Variants in KIRREL1 observed in about 807,000 individuals in gnomAD.
The protein encoded by KIRREL1 is kin of IRRE-like protein 1.
In KIRREL1, 25 loss-of-function variants were observed where a neutral mutation model predicts 83.3. That is an observed-to-expected ratio of 0.30 (90% CI 0.22 to 0.42). The LOEUF (loss-of-function observed/expected upper bound fraction) is 0.42, where lower values mean the gene tolerates loss of function less well. Among genes scored for constraint, KIRREL1 ranks in the 10% least tolerant of loss-of-function variants. The pLI is 1.00. For missense variants in KIRREL1, 812 were observed against 1,032.3 expected (o/e 0.79, Z 2.92); for synonymous variants, 388 against 410.4 (o/e 0.95, Z 0.66).
At chr1:158,089,305 C>T in intron 8 of KIRREL1, 197 bp from the exon 9 acceptor site, 1 of 720,918 alleles carries the variant, frequency 1.4e-6, no homozygotes, top group Non-Finnish European at 2.3e-6. Flanking sequence ...CCCACACCTG[C>T]AGAGATGGTG....
At chr1:158,062,824 A>C (rs1470193698) in intron 1 of KIRREL1, among the ~76,000 whole-genome samples, 7 of 152,198 alleles carry the variant, frequency 4.6e-5, no homozygotes, top group Non-Finnish European at 1.5e-5. Context: ...TGCAGCTTAG[A>C]TGTGCCACAG....
intron 1 of KIRREL1, among the ~76,000 whole-genome samples, chr1:158,034,502 C>T (rs577416613): frequency 6.6e-6 from 1 of 152,186 alleles, no homozygotes; most frequent in African/African-American, 2.4e-5. Context: ...TTACCTGGAC[C>T]TTTTACTTTG....
At chr1:158,003,149 T>G (rs1301783880) in intron 1 of KIRREL1, among the ~76,000 whole-genome samples, 2 of 152,162 alleles carry the variant, frequency 1.3e-5, no homozygotes, top group Non-Finnish European at 2.9e-5. Context: ...GCTCGCTCCA[T>G]TACCCAGCAT....
intron 8 of KIRREL1, among the ~76,000 whole-genome samples, chr1:158,088,921 C>T (rs1053070009): frequency 3.9e-5 from 6 of 151,910 alleles, no homozygotes; most frequent in African/African-American, 1.5e-4. Flanking sequence ...CGGTTATCCC[C>T]ACATCTTCTC....
intron 1 of KIRREL1, among the ~76,000 whole-genome samples, chr1:157,994,096 C>G (rs1659122833): frequency 6.6e-6 from 1 of 152,188 alleles, no homozygotes; most frequent in South Asian, 2.1e-4. Context: ...ACGCCTGAGT[C>G]CAGCCTAAGG....
chr1:158,078,948 C>G (rs894076511), intron 3 of KIRREL1, among the ~76,000 whole-genome samples: 2 of 152,104 alleles, frequency 1.3e-5, no homozygotes, highest in Non-Finnish European at 2.9e-5. Flanking sequence ...CTTCAGCACA[C>G]CCCTTGCCCC....
At chr1:158,064,478 G>A (rs191365316) in intron 1 of KIRREL1, among the ~76,000 whole-genome samples, 7 of 152,254 alleles carry the variant, frequency 4.6e-5, no homozygotes, top group Non-Finnish European at 1.0e-4. Flanking sequence ...AAAATTTATG[G>A]TGTGTAAATA....
rs141562108 is a variant in KIRREL1, at chr1:158,094,679, T to C, written c.1833T>C (p.His611=). The part of the protein sequence containing the change: ...PTNGYYNVRA[H]EDRPSSRAVL... ...ATGGCTACTACAACGTGCGTGCCCA[T>C]GAAGACCGCCCGTCTTCCAGGGCAG... The change falls in exon 15 of 15, where the codon CAT becomes CAC. Residue 611 remains histidine, a synonymous_variant. Transcript: ENST00000359209. This position sits in a 1 kb window ranked among gnomAD's most constrained non-coding sequence, Gnocchi z 4.6. 4.6e-4 allele frequency: 737 copies of C among 1,609,038 alleles called. No individual in the cohort carries two copies. Among genetic ancestry groups the C allele is most frequent in the Admixed American group, 5.7e-4 (34 of 59,896 alleles).
intron 1 of KIRREL1, among the ~76,000 whole-genome samples, chr1:158,028,638 A>G (rs1660236542): frequency 6.6e-6 from 1 of 152,170 alleles, no homozygotes; most frequent in Non-Finnish European, 1.5e-5. Flanking sequence ...GGATTTGCTC[A>G]GTTGTTATTT....
chr1:158,059,853 T>C (rs1477692109), intron 1 of KIRREL1, among the ~76,000 whole-genome samples: 1 of 152,214 alleles, frequency 6.6e-6, no homozygotes, highest in African/African-American at 2.4e-5. Context: ...AGAGCTCATG[T>C]TCTAGTTAGG....
intron 3 of KIRREL1, among the ~76,000 whole-genome samples, chr1:158,082,009 C>A (rs955615679): frequency 3.3e-5 from 5 of 152,088 alleles, no homozygotes; most frequent in Admixed American, 3.3e-4. Context: ...ACCAGGAGGC[C>A]CTGAGCAGCA....
intron 4 of KIRREL1, among the ~76,000 whole-genome samples, chr1:158,085,918 A>G (rs1661999911): frequency 2.0e-5 from 3 of 152,166 alleles, no homozygotes; most frequent in Admixed American, 2.0e-4. Flanking sequence ...GCCTACAAGC[A>G]AGGTTGGATG....
At chr1:158,055,701 C>T (rs575714939) in intron 1 of KIRREL1, among the ~76,000 whole-genome samples, 6 of 152,204 alleles carry the variant, frequency 3.9e-5, no homozygotes, top group African/African-American at 4.8e-5. Flanking sequence ...CGTCTCCTTC[C>T]GGGCACTGCA....
rs893068673 is a variant in KIRREL1, at chr1:157,993,747, C to G, written c.52+19C>G. The G allele has an allele frequency of 2.0e-6, 3 of 1,463,784 alleles. No individual in the cohort carries two copies. In the African/African-American group the frequency reaches 4.4e-5, roughly 22 times the overall value. The allele number at this position is 1,463,784 out of a possible 1,614,324, so 90.7% of individuals were successfully genotyped here. ...TCCCAAGGTAAGGGCCCCCAGCCCA[C>G]CCCCGGACGCTCGGCTTCCCCCCGG... On this transcript the variant is annotated intron_variant, in intron 1 of 14. Transcript: ENST00000359209.
chr1:158,051,722 T>G (rs973669693), intron 1 of KIRREL1, among the ~76,000 whole-genome samples: 4 of 152,190 alleles, frequency 2.6e-5, no homozygotes, highest in Admixed American at 2.6e-4. Flanking sequence ...GTCCCCATCA[T>G]CTACAAGATG....
intron 1 of KIRREL1, among the ~76,000 whole-genome samples, chr1:158,064,933 C>CTTTTT (rs869035914): frequency 1.2e-5 from 1 of 82,726 alleles, no homozygotes; most frequent in African/African-American, 4.0e-5. Context: ...ACCTGCTGGT[C>CTTTTT]TTTTTTTTTT....
chr1:157,995,946 T>G (rs1659186024), intron 1 of KIRREL1, among the ~76,000 whole-genome samples: 1 of 148,962 alleles, frequency 6.7e-6, no homozygotes, highest in African/African-American at 2.5e-5. Context: ...GGGACACACA[T>G]GGGGGTGGAG....
chr1:158,017,988 G>A (rs948741097), intron 1 of KIRREL1, among the ~76,000 whole-genome samples: 3 of 151,988 alleles, frequency 2.0e-5, no homozygotes, highest in Non-Finnish European at 4.4e-5. Context: ...AGGGGGAGGA[G>A]GAGGGAACTG....
chr1:158,008,159 G>C (rs1176034750), intron 1 of KIRREL1, among the ~76,000 whole-genome samples: 3 of 152,138 alleles, frequency 2.0e-5, no homozygotes, highest in Admixed American at 6.5e-5. Context: ...CGGCAGCGAG[G>C]GGGGTGGGGA....
Sources: gnomAD v4.1 joint callset for allele counts (sites outside exome capture counted in the v4.1 genomes callset) on GRCh38, gnomAD v4.1.1 for gene constraint, Gnocchi (gnomAD v3.1) non-coding constraint, MANE v1.5 for transcripts, NCBI Gene and HGNC (gene_info 2026-07-23, HGNC 2026-07-21) for gene names.